PDE7B: variants seen among roughly 807,000 people sequenced by gnomAD.
PDE7B encodes the protein phosphodiesterase 7B.
In PDE7B, 29 loss-of-function variants were observed where a neutral mutation model predicts 56.2. The observed-to-expected ratio is 0.52, with a 90% CI of 0.38 to 0.70. The LOEUF (loss-of-function observed/expected upper bound fraction) is 0.70. Among genes scored for constraint, PDE7B ranks in the 30% least tolerant of loss-of-function variants. The probability of loss-of-function intolerance (pLI) is 0.00; values close to 1 mark genes in which losing one functional copy is unlikely to be tolerated. For missense variants in PDE7B, 490 were observed against 565.0 expected, an observed-to-expected ratio of 0.87 and a Z score of 1.35; for synonymous variants, 197 against 196.9, an observed-to-expected ratio of 1.00 and a Z score of 0.00.
chr6:136,162,993 T>C (rs1269651993), intron 8 of PDE7B, among the ~76,000 whole-genome samples: 2 of 152,180 alleles, frequency 1.3e-5, no homozygotes. Context: ...TGGGATGGCA[T>C]TGAGTGTCTG....
chr6:136,047,630 A>G (rs990860939), intron 2 of PDE7B: 2 of 152,242 alleles, frequency 1.3e-5, no homozygotes, highest in African/African-American at 2.4e-5. Flanking sequence ...TGATGTTTCA[A>G]TGTTACATAC....
intron 2 of PDE7B, among the ~76,000 whole-genome samples, chr6:135,969,246 C>G (rs1775051114): frequency 6.6e-6 from 1 of 152,100 alleles, no homozygotes; most frequent in African/African-American, 2.4e-5. Flanking sequence ...AGCAAACCAC[C>G]ATGGTACACG....
At chr6:136,020,682 T>G (rs750781862) in intron 2 of PDE7B, among the ~76,000 whole-genome samples, 2 of 152,132 alleles carry the variant, frequency 1.3e-5, no homozygotes, top group Admixed American at 6.5e-5. Context: ...TACAACAAAC[T>G]CCATCTGTTT....
intron 2 of PDE7B, among the ~76,000 whole-genome samples, chr6:135,962,101 T>C (rs1264536998): frequency 6.6e-6 from 1 of 152,118 alleles, no homozygotes; most frequent in Non-Finnish European, 1.5e-5. Flanking sequence ...GTGGGGTATA[T>C]GGGAAATTGC....
intron 2 of PDE7B, among the ~76,000 whole-genome samples, chr6:135,991,346 G>T (rs1240026514): frequency 6.6e-6 from 1 of 152,062 alleles, no homozygotes; most frequent in Non-Finnish European, 1.5e-5. Context: ...TGACTAATTA[G>T]GTTGATTGGT....
chr6:135,947,390 G>T, intron 1 of PDE7B, 74 bp from the exon 2 acceptor site: 4 of 1,121,782 alleles, frequency 3.6e-6, no homozygotes, highest in Non-Finnish European at 5.4e-6. Flanking sequence ...GGTAATGTCA[G>T]GTCACATGGA....
At chr6:135,920,480 C>G (rs1312276900) in intron 1 of PDE7B, among the ~76,000 whole-genome samples, 4 of 152,128 alleles carry the variant, frequency 2.6e-5, no homozygotes, top group Non-Finnish European at 5.9e-5. Flanking sequence ...GGGCAGTTTG[C>G]TTTTCAAACC....
At chr6:135,859,650 A>G (rs1775106920) in intron 1 of PDE7B, among the ~76,000 whole-genome samples, 1 of 152,024 alleles carries the variant, frequency 6.6e-6, no homozygotes, top group African/African-American at 2.4e-5. Flanking sequence ...TTCATTGAAT[A>G]TGTTGCCCCA....
intron 1 of PDE7B, among the ~76,000 whole-genome samples, chr6:135,936,620 T>A (rs1032164733): frequency 2.0e-5 from 3 of 152,126 alleles, no homozygotes; most frequent in African/African-American, 7.2e-5. Flanking sequence ...CTGGGTCAAA[T>A]CTCCCTCTGA....
intron 2 of PDE7B, among the ~76,000 whole-genome samples, chr6:136,025,611 T>A (rs1047739356): frequency 6.6e-6 from 1 of 152,188 alleles, no homozygotes; most frequent in Non-Finnish European, 1.5e-5. Context: ...CTGCAACACC[T>A]TTGAAAAGAA....
intron 1 of PDE7B, among the ~76,000 whole-genome samples, chr6:135,895,613 G>A (rs565714412): frequency 6.6e-6 from 1 of 152,110 alleles, no homozygotes; most frequent in South Asian, 2.1e-4. Flanking sequence ...GTGCTTGCAG[G>A]CAAAAACATT....
chr6:135,917,717 G>A (rs991550976), intron 1 of PDE7B, among the ~76,000 whole-genome samples: 3 of 152,022 alleles, frequency 2.0e-5, no homozygotes, highest in Non-Finnish European at 4.4e-5. Flanking sequence ...TCTGGATTTT[G>A]TTGTCTTCCT....
intron 2 of PDE7B, among the ~76,000 whole-genome samples, chr6:135,987,264 G>A (rs1293488142): frequency 1.3e-5 from 2 of 152,108 alleles, no homozygotes; most frequent in African/African-American, 4.8e-5. Context: ...GCTGTTCAGA[G>A]TCACAGGGAA....
At chr6:136,137,765 T>A (rs1306819815) in intron 3 of PDE7B, among the ~76,000 whole-genome samples, 4 of 152,150 alleles carry the variant, frequency 2.6e-5, no homozygotes, top group African/African-American at 9.6e-5. Context: ...TTTATTAACA[T>A]ATTTTTGCAT....
intron 2 of PDE7B, among the ~76,000 whole-genome samples, chr6:135,988,663 C>T (rs1445865650): frequency 6.6e-6 from 1 of 152,000 alleles, no homozygotes; most frequent in Non-Finnish European, 1.5e-5. Context: ...ATGAAGCATT[C>T]AAAGGAAATG....
At chr6:136,004,309 C>A (rs1775733461) in intron 2 of PDE7B, among the ~76,000 whole-genome samples, 1 of 152,170 alleles carries the variant, frequency 6.6e-6, no homozygotes, top group Non-Finnish European at 1.5e-5. Context: ...GGGATGCCCT[C>A]TCTTACCACT....
intron 2 of PDE7B, among the ~76,000 whole-genome samples, chr6:135,971,278 T>C (rs1038748829): frequency 1.3e-5 from 2 of 152,156 alleles, no homozygotes; most frequent in African/African-American, 4.8e-5. Flanking sequence ...AAACAGATGC[T>C]TCTCTGAAGG....
chr6:136,038,226 GCAA>G (rs756313761), intron 2 of PDE7B: 2 of 1,298,830 alleles, frequency 1.5e-6, no homozygotes, highest in Middle Eastern at 2.1e-4. Context: ...AGCAGCAGCA[GCAA>G]CAGCAGCAGC....
intron 2 of PDE7B, among the ~76,000 whole-genome samples, chr6:136,080,681 C>T (rs1012139913): frequency 5.3e-5 from 8 of 152,162 alleles, no homozygotes; most frequent in Admixed American, 1.3e-4. Context: ...TTTGGAAGAA[C>T]TACTGGTTTT....
Sources: gnomAD v4.1 joint callset for allele counts (sites outside exome capture counted in the v4.1 genomes callset) on GRCh38, gnomAD v4.1.1 for gene constraint, MANE v1.5 for transcripts, NCBI Gene and HGNC (gene_info 2026-07-23, HGNC 2026-07-21) for gene names.